Variants in NUMA1 observed in about 807,000 individuals in gnomAD.
NUMA1 encodes nuclear mitotic apparatus protein 1.
Under a neutral mutation model 237.1 loss-of-function variants are expected in NUMA1, and 62 were observed. The ratio of observed to expected loss-of-function variants is 0.26; its 90% CI spans 0.21 to 0.32. The LOEUF (loss-of-function observed/expected upper bound fraction) is 0.32, where lower values mean the gene tolerates loss of function less well. Ranked by LOEUF, NUMA1 falls within the 10% of genes least tolerant of loss-of-function variation. NUMA1 has a pLI of 1.00. For synonymous variants in NUMA1, 1,028 were observed against 1,066.1 expected (o/e 0.96, Z 0.70); for missense variants, 2,533 against 2,666.5 (o/e 0.95, Z 1.10).
chr11:72,006,030 C>T lies in NUMA1; in HGVS notation c.5692+5G>A, dbSNP rs371152556. On this transcript the variant is annotated splice_donor_5th_base_variant and intron_variant, in intron 22 of 26. Transcript: ENST00000393695. ...GGGTATAGTAAGTCCCTGTAGTCCC[C>T]TCACCTGGAGGGGCCCCACTGGACA... 6.2e-7 allele frequency: 1 copy of T among 1,607,234 alleles called. No homozygotes were observed. Among genetic ancestry groups the T allele is most frequent in the African/African-American group, 1.3e-5 (1 of 74,796 alleles).
intron 1 of NUMA1, among the ~76,000 whole-genome samples, chr11:72,075,076 T>C (rs1217757303): frequency 6.8e-6 from 1 of 146,128 alleles, no homozygotes; most frequent in African/African-American, 2.8e-5. Context: ...ATAAAAATAA[T>C]ATACAATACA....
chr11:72,034,238 C>T (rs1940716633), intron 3 of NUMA1, among the ~76,000 whole-genome samples: 2 of 152,130 alleles, frequency 1.3e-5, no homozygotes, highest in South Asian at 4.1e-4. Flanking sequence ...ATGTCAAGAA[C>T]TATGATTTAT....
At position 72,014,343 on chromosome 11, in the gene NUMA1, G is replaced by A; in HGVS notation, c.3160C>T (p.His1054Tyr). 2.5e-6 allele frequency: 4 copies of A among 1,613,736 alleles called. No individual in the cohort carries two copies. Among genetic ancestry groups the A allele is most frequent in the Non-Finnish European group, 3.4e-6 (4 of 1,180,044 alleles). The stretch of plus-strand genomic sequence containing the variant: ...TTGCCTTCCTTTTCCGTCAGGGCAT[G>A]AGCCAGTGCCTCTTGCAGGGTAGCG... ...EFATLQEALA[H>Y]ALTEKEGKDQ... Residue 1054 changes from histidine (H) to tyrosine (Y), a missense_variant, in exon 15 of 27, where the codon CAT becomes TAT. By Grantham distance (83) the His-to-Tyr change is moderately conservative. This residue lies in a region of NUMA1 where 1,414 missense variants were observed against 1,508.1 expected (regional missense o/e 0.94). Transcript: ENST00000393695. The surrounding 1 kb of genome is among the most constrained non-coding windows in gnomAD (Gnocchi z 4.6).
chr11:72,017,513 T>G, intron 13 of NUMA1, 174 bp downstream of exon 13: 1 of 602,338 alleles, frequency 1.7e-6, no homozygotes, highest in African/African-American at 1.9e-5. Flanking sequence ...AAAAATAAGT[T>G]AAAAAAAAAA....
At position 72,018,262 on chromosome 11, in the gene NUMA1, T is replaced by C. The variant is rs1252322596; in HGVS notation, c.899A>G (p.Gln300Arg). The change falls in exon 12 of 27, where the codon CAG (glutamine) becomes CGG (arginine). Residue 300 changes from glutamine to arginine, a missense_variant. By Grantham distance (43) the Gln-to-Arg change is conservative. Transcript: ENST00000393695. ...CTGGCTCTTCTCTGTCTTCAGGTCC[T>C]GGCACTGCTTCAGGGTTTCATGCAG... Reference protein sequence around the residue: ...MRLHETLKQCQDLKTEKSQMD... With the variant: ...MRLHETLKQCRDLKTEKSQMD... The C allele has an allele frequency of 6.2e-7, 1 of 1,614,210 alleles. No individual in the cohort carries two copies. The highest frequency in any genetic ancestry group is 8.5e-7 in the Non-Finnish European group (1 of 1,180,022).
At chr11:72,063,760 T>C (rs1943069820) in intron 2 of NUMA1, among the ~76,000 whole-genome samples, 1 of 149,124 alleles carries the variant, frequency 6.7e-6, no homozygotes, top group Non-Finnish European at 1.5e-5. Flanking sequence ...CTACAAAAAA[T>C]TTAAAAATTA....
In NUMA1 at chr11:72,015,336, G is replaced by A. The variant is rs749196138; in HGVS notation, c.2167C>T (p.Arg723Cys). The A allele has an allele frequency of 4.3e-6, 7 of 1,613,310 alleles. No individual in the cohort carries two copies. The highest frequency in any genetic ancestry group is 5.1e-6 in the Non-Finnish European group (6 of 1,180,032). Reference protein sequence around the residue: ...VTKGSLEEEKRRAADALEEQQ... With the variant: ...VTKGSLEEEKCRAADALEEQQ... ...TCTTCCAGGGCATCTGCAGCCCTGC[G>A]CTTCTCCTCTTCAAGGCTGCCCTTG... The change falls in exon 15 of 27, where the codon CGC becomes TGC. Residue 723 changes from arginine (R) to cysteine (C), a missense_variant. By Grantham distance (180) the Arg-to-Cys change is radical (BLOSUM62 -3). Around this residue, in one of 3 missense-constraint regions of NUMA1, gnomAD observed 1,414 missense variants for 1,508.1 expected, o/e 0.94. Coordinates refer to ENST00000393695, the MANE Select transcript of NUMA1 (RefSeq NM_006185.4). The surrounding 1 kb of genome is among the most constrained non-coding windows in gnomAD (Gnocchi z 4.0).
At chr11:72,079,974 G>T (rs1943996199) in intron 1 of NUMA1, among the ~76,000 whole-genome samples, 1 of 151,828 alleles carries the variant, frequency 6.6e-6, no homozygotes, top group South Asian at 2.1e-4. Flanking sequence ...ACGTAACCCG[G>T]GCCAAGCTAA....
chr11:72,079,226 A>G (rs1370671367), intron 1 of NUMA1, among the ~76,000 whole-genome samples: 1 of 152,232 alleles, frequency 6.6e-6, no homozygotes, highest in Non-Finnish European at 1.5e-5. Flanking sequence ...AGAAGGGCAG[A>G]CAAACACGCA....
chr11:72,006,745 G>C (rs1295882655), intron 21 of NUMA1, among the ~76,000 whole-genome samples: 1 of 152,116 alleles, frequency 6.6e-6, no homozygotes. Flanking sequence ...TAAACACACA[G>C]GTCCCCCCTG....
chr11:72,032,218 G>A (rs918128525), intron 3 of NUMA1, among the ~76,000 whole-genome samples: 6 of 152,110 alleles, frequency 3.9e-5, no homozygotes, highest in Non-Finnish European at 7.4e-5. Context: ...TTTTTTTAAC[G>A]TGAAATAAAA....
chr11:72,046,273 G>T (rs993157080), intron 2 of NUMA1, among the ~76,000 whole-genome samples: 1 of 152,170 alleles, frequency 6.6e-6, no homozygotes, highest in Admixed American at 6.5e-5. Flanking sequence ...GGCCGGGCAC[G>T]GTGGCTCACG....
At chr11:72,064,822 G>C (rs541327209) in intron 2 of NUMA1, among the ~76,000 whole-genome samples, 15 of 140,316 alleles carry the variant, frequency 1.1e-4, no homozygotes, top group African/African-American at 3.7e-4. Flanking sequence ...GAGAGAGTGA[G>C]ACCCTGTCTC....
chr11:72,004,535 A>T, intron 24 of NUMA1, 105 bp downstream of exon 24: 1 of 1,297,898 alleles, frequency 7.7e-7, no homozygotes, highest in South Asian at 1.3e-5. Flanking sequence ...AGGGAAAGAG[A>T]GGGGGAAGTG....
At chr11:72,028,605 A>C (rs921771288) in intron 4 of NUMA1, among the ~76,000 whole-genome samples, 4 of 152,188 alleles carry the variant, frequency 2.6e-5, no homozygotes, top group African/African-American at 9.7e-5. Flanking sequence ...AAAAGGCCAA[A>C]CTACAATCCT....
intron 8 of NUMA1, 82 bp downstream of exon 8, chr11:72,021,122 C>T (rs985449992): frequency 8.7e-7 from 1 of 1,148,434 alleles, no homozygotes; most frequent in Non-Finnish European, 1.3e-6. Flanking sequence ...AGAAACAAAC[C>T]CCCACCATAC....
At chr11:72,054,267 A>G (rs1211611309) in intron 2 of NUMA1, among the ~76,000 whole-genome samples, 1 of 152,002 alleles carries the variant, frequency 6.6e-6, no homozygotes, top group Non-Finnish European at 1.5e-5. Flanking sequence ...GGAGTTCGAG[A>G]CCAGCCTGGC....
intron 22 of NUMA1, 104 bp downstream of exon 22, chr11:72,005,931 G>C (rs1244598512): frequency 1.0e-6 from 1 of 965,768 alleles, no homozygotes; most frequent in Non-Finnish European, 1.6e-6. Flanking sequence ...ATGGTAGCAA[G>C]GAGGCCAGCC....
chr11:72,014,525 C>T lies in NUMA1; in HGVS notation c.2978G>A (p.Gly993Glu), dbSNP rs1382208689. 5.0e-6 allele frequency: 8 copies of T among 1,601,888 alleles called. No homozygotes were observed. Among genetic ancestry groups the T allele is most frequent in the Non-Finnish European group, 6.8e-6 (8 of 1,179,896 alleles). Residue 993 changes from glycine (G) to glutamate (E), a missense_variant, in exon 15 of 27, where the codon GGG becomes GAG. This residue lies in a region of NUMA1 where 1,414 missense variants were observed against 1,508.1 expected (regional missense o/e 0.94). Coordinates refer to ENST00000393695, the MANE Select transcript of NUMA1 (RefSeq NM_006185.4). The surrounding 1 kb of genome is among the most constrained non-coding windows in gnomAD (Gnocchi z 4.6). ...RLRAALMESQ[G>E]QQQEERGQQE... ...CTGCCCACGCTCCTCCTGCTGCTGC[C>T]CCTGGCTCTCCATCAGCGCGGCCCG...
Sources: allele counts gnomAD v4.1 joint callset (sites outside exome capture counted in the v4.1 genomes callset), GRCh38; gene constraint gnomAD v4.1.1; regional missense constraint gnomAD v4.1.1; non-coding constraint Gnocchi (gnomAD v3.1); transcripts MANE v1.5; gene names NCBI Gene and HGNC (gene_info 2026-07-23, HGNC 2026-07-21).